Variants in GRIP1 observed in about 807,000 individuals in gnomAD.
GRIP1 encodes glutamate receptor interacting protein 1.
GRIP1 carries 45 observed loss-of-function variants against 129.9 expected under a neutral mutation model. The observed-to-expected ratio is 0.35, with a 90% CI of 0.27 to 0.44. The LOEUF (loss-of-function observed/expected upper bound fraction) is 0.44. Among genes scored for constraint, GRIP1 ranks in the 20% least tolerant of loss-of-function variants. The probability of loss-of-function intolerance (pLI) is 1.00; values close to 1 mark genes in which losing one functional copy is unlikely to be tolerated. For missense variants in GRIP1, 1,196 were observed against 1,396.8 expected (o/e 0.86, Z 2.29); for synonymous variants, 530 against 520.8 (o/e 1.02, Z -0.24).
intron 1 of GRIP1, among the ~76,000 whole-genome samples, chr12:66,856,567 T>C (rs899324675): frequency 1.5e-4 from 23 of 151,956 alleles, no homozygotes; most frequent in Non-Finnish European, 2.5e-4. Context: ...GCGAAGAATA[T>C]GAACAGACAC....
chr12:66,947,978 G>A (rs2041698178), intron 1 of GRIP1, among the ~76,000 whole-genome samples: 2 of 152,270 alleles, frequency 1.3e-5, no homozygotes, highest in South Asian at 4.1e-4. Flanking sequence ...AGCCATCCTT[G>A]AGGATGCAGG....
chr12:66,628,588 CTTG>C (rs1485210215), intron 1 of GRIP1, among the ~76,000 whole-genome samples: 3 of 152,148 alleles, frequency 2.0e-5, no homozygotes, highest in African/African-American at 7.2e-5. Flanking sequence ...CCTAGTTTTC[CTTG>C]TTGTGTATTC....
rs1334752444 is a variant in GRIP1 at position 66,818,333 on chromosome 12, A to G, written c.59-221406T>C. Reference sequence around the variant, plus strand: ...AGCTGCCAAGTTCATAATGGTAGATACAAGTTTTCCAAAGTTCCAATTTTC... The same window carrying G: ...AGCTGCCAAGTTCATAATGGTAGATGCAAGTTTTCCAAAGTTCCAATTTTC... On this transcript the variant is annotated intron_variant, in intron 1 of 1. Transcript: ENST00000643019. 3.9e-5 allele frequency among the ~76,000 whole-genome samples: 6 copies of G among 152,348 alleles called. No homozygotes were observed. The East Asian group carries it at 1.2e-3, about 29-fold the overall frequency.
At chr12:66,629,435 C>T (rs1160944015) in intron 1 of GRIP1, among the ~76,000 whole-genome samples, 3 of 152,206 alleles carry the variant, frequency 2.0e-5, no homozygotes, top group Admixed American at 6.5e-5. Context: ...ACTTCATCTC[C>T]GCTCCCTAAT....
intron 1 of GRIP1, among the ~76,000 whole-genome samples, chr12:66,852,001 T>C (rs2039920909): frequency 6.6e-6 from 1 of 152,052 alleles, no homozygotes; most frequent in East Asian, 1.9e-4. Flanking sequence ...CCTCATCACA[T>C]CATCATCCAT....
intron 1 of GRIP1, among the ~76,000 whole-genome samples, chr12:66,622,231 A>G (rs1379794290): frequency 6.6e-6 from 1 of 152,094 alleles, no homozygotes; most frequent in Non-Finnish European, 1.5e-5. Flanking sequence ...GAGTTATGCT[A>G]CAAGTCACTT....
At chr12:66,929,743 T>G (rs2041356960) in intron 1 of GRIP1, among the ~76,000 whole-genome samples, 1 of 152,194 alleles carries the variant, frequency 6.6e-6, no homozygotes, top group Non-Finnish European at 1.5e-5. Flanking sequence ...ATGAGGATAC[T>G]GACAACAAGA....
In GRIP1 at chr12:66,392,704, T is replaced by C; in HGVS notation, c.2242A>G (p.Thr748Ala). ...HLLQMAGETV[T>A]LKIKKQTDAQ... is the part of the protein sequence containing the mutation. The stretch of plus-strand genomic sequence containing the variant: ...TCTGTCTGTTTCTTAATTTTCAAGG[T>C]GACAGTCTCTCCTGCCATCTGTAAC... The change falls in exon 18 of 25, where the codon ACC becomes GCC. Residue 748 changes from threonine (T) to alanine (A), a missense_variant. By Grantham distance (58) the Thr-to-Ala change is moderately conservative (BLOSUM62 0). Transcript: ENST00000359742. 1 of 1,614,144 alleles carries C rather than the reference T, an allele frequency of 6.2e-7. No homozygotes were observed. Among genetic ancestry groups the C allele is most frequent in the South Asian group, 1.1e-5 (1 of 91,084 alleles).
At chr12:66,958,928 C>A (rs2041883214) in intron 1 of GRIP1, among the ~76,000 whole-genome samples, 1 of 152,176 alleles carries the variant, frequency 6.6e-6, no homozygotes, top group Non-Finnish European at 1.5e-5. Context: ...CACTCTCCAG[C>A]ATCAGATATC....
Position 66,392,396 on chromosome 12 carries a change from G to C in GRIP1, c.2376C>G (p.Ser792=), listed in dbSNP as rs752872677. ...TGGGCACCGTGGAGGGGTACATGTC[G>C]GAGAGCTTGCCTGGCTTCTGTGCTG... The part of the protein sequence containing the change: ...SSPAQKPGKL[S]DMYPSTVPSV... Residue 792 remains serine, a synonymous_variant, in exon 19 of 25, where the codon TCC becomes TCG. Coordinates refer to ENST00000359742, the MANE Select transcript of GRIP1 (RefSeq NM_001366722.1). 1 of 1,613,834 alleles carries C rather than the reference G, an allele frequency of 6.2e-7. No homozygotes were observed. Among genetic ancestry groups the C allele is most frequent in the South Asian group, 1.1e-5 (1 of 91,070 alleles).
chr12:66,923,392 G>A (rs1416342518), intron 1 of GRIP1, among the ~76,000 whole-genome samples: 3 of 152,148 alleles, frequency 2.0e-5, no homozygotes, highest in Admixed American at 6.5e-5. Flanking sequence ...TTATTTGGCA[G>A]TTAGATATCT....
At chr12:66,620,025 C>G (rs1271045353) in intron 1 of GRIP1, among the ~76,000 whole-genome samples, 1 of 152,140 alleles carries the variant, frequency 6.6e-6, no homozygotes, top group Non-Finnish European at 1.5e-5. Context: ...TTTGATGAGT[C>G]GCTATCATCC....
intron 1 of GRIP1, among the ~76,000 whole-genome samples, chr12:66,979,128 T>A (rs2042197824): frequency 6.7e-6 from 1 of 150,302 alleles, no homozygotes; most frequent in Admixed American, 6.7e-5. Context: ...AATACACTTT[T>A]TTTCCTGTAT....
intron 2 of GRIP1, among the ~76,000 whole-genome samples, chr12:66,588,974 T>C (rs1356265705): frequency 1.6e-5 from 2 of 125,854 alleles, no homozygotes; most frequent in Non-Finnish European, 1.7e-5. Context: ...GTCCCCCTCC[T>C]ACAAAAAAAA....
At chr12:66,409,376 C>A (rs997662141) in intron 15 of GRIP1, among the ~76,000 whole-genome samples, 4 of 152,210 alleles carry the variant, frequency 2.6e-5, no homozygotes, top group Non-Finnish European at 5.9e-5. Flanking sequence ...GAACAAGAGT[C>A]TCTGCCTAGT....
intron 16 of GRIP1, among the ~76,000 whole-genome samples, chr12:66,397,247 C>T (rs2056827713): frequency 6.6e-6 from 1 of 151,366 alleles, no homozygotes. Flanking sequence ...CGCAGTGGCT[C>T]ACGGCTGTAA....
At chr12:66,815,944 G>A (rs1445509399) in intron 1 of GRIP1, among the ~76,000 whole-genome samples, 1 of 151,322 alleles carries the variant, frequency 6.6e-6, no homozygotes, top group Non-Finnish European at 1.5e-5. Flanking sequence ...GTTACATGAG[G>A]TCATCCAGGG....
At chr12:66,822,576 C>T (rs962268308) in intron 1 of GRIP1, among the ~76,000 whole-genome samples, 5 of 152,110 alleles carry the variant, frequency 3.3e-5, no homozygotes, top group African/African-American at 1.2e-4. Context: ...CACTTATTAA[C>T]AATAGCAAAG....
chr12:66,785,327 C>CATATATATATATATATATATAT (rs1415065185), intron 1 of GRIP1, among the ~76,000 whole-genome samples: 4 of 38,512 alleles, frequency 1.0e-4, no homozygotes, highest in African/African-American at 3.1e-4. Flanking sequence ...TACATACATA[C>CATATATATATATATATATATAT]ATACATACAT....
Sources: gnomAD v4.1 joint callset for allele counts (sites outside exome capture counted in the v4.1 genomes callset) on GRCh38, gnomAD v4.1.1 for gene constraint, MANE v1.5 for transcripts, NCBI Gene and HGNC (gene_info 2026-07-23, HGNC 2026-07-21) for gene names.